The following CCDC30 variants were observed in gnomAD, a reference collection of about 807,000 sequenced individuals.
CCDC30 encodes the protein coiled-coil domain containing 30, also known as coiled-coil domain-containing protein 30.
CCDC30 carries 70 observed loss-of-function variants against 100.2 expected under a neutral mutation model. The observed-to-expected ratio is 0.70, with a 90% CI of 0.58 to 0.85. The LOEUF (loss-of-function observed/expected upper bound fraction) is 0.85. Ranked by LOEUF, CCDC30 falls within the 40% of genes least tolerant of loss-of-function variation. CCDC30 has a pLI of 0.00. For synonymous variants in CCDC30, 233 were observed against 269.5 expected, an observed-to-expected ratio of 0.86 and a Z score of 1.33; for missense variants, 652 against 771.2, an observed-to-expected ratio of 0.85 and a Z score of 1.83.
At chr1:42,525,335 CTCTT>C (rs1043669842) in intron 6 of CCDC30, among the ~76,000 whole-genome samples, 6 of 152,082 alleles carry the variant, frequency 3.9e-5, no homozygotes, top group African/African-American at 1.4e-4. Context: ...CAGTTTTTCT[CTCTT>C]TGTTCTAGTT....
exon 12 of CCDC30, chr1:42,637,333 C>T (rs1427478064): frequency 6.3e-7 from 1 of 1,594,216 alleles, no homozygotes; most frequent in Non-Finnish European, 8.5e-7. Flanking sequence ...AGAGAATTAA[C>T]CAATTTGAAG....
chr1:42,482,309 C>G (rs1327486567), intron 2 of CCDC30, among the ~76,000 whole-genome samples: 1 of 151,256 alleles, frequency 6.6e-6, no homozygotes, highest in African/African-American at 2.4e-5. Context: ...TTTAAAAAGC[C>G]AGACAGAAAC....
intron 8 of CCDC30, chr1:42,580,794 G>T (rs1419108593): frequency 2.2e-6 from 1 of 455,890 alleles, no homozygotes; most frequent in Non-Finnish European, 4.4e-6. Flanking sequence ...ATGCTAATAG[G>T]TGCTTGGTTT....
chr1:42,456,764 G>A, the CCDC30 span: 1 of 1,612,264 alleles, frequency 6.2e-7, no homozygotes, highest in African/African-American at 1.3e-5. Context: ...GCGGCGCGGT[G>A]CAACCTCGGC....
At chr1:42,484,396 C>T (rs960290439) in intron 3 of CCDC30, among the ~76,000 whole-genome samples, 11 of 152,118 alleles carry the variant, frequency 7.2e-5, no homozygotes, top group African/African-American at 2.2e-4. Flanking sequence ...TGCTGCTTGC[C>T]ATACAAGAAG....
intron 6 of CCDC30, among the ~76,000 whole-genome samples, chr1:42,547,562 G>A (rs540032972): frequency 5.6e-4 from 85 of 152,292 alleles, no homozygotes; most frequent in African/African-American, 2.0e-3. Context: ...GGGAAACCTT[G>A]CCATAAGAAA....
At chr1:42,585,122 T>G (rs1646043270) in intron 9 of CCDC30, among the ~76,000 whole-genome samples, 1 of 152,234 alleles carries the variant, frequency 6.6e-6, no homozygotes, top group Non-Finnish European at 1.5e-5. Context: ...CTTTCGTAGT[T>G]TGTGTCTTTC....
At chr1:42,522,571 C>G (rs1487165708) in intron 6 of CCDC30, among the ~76,000 whole-genome samples, 2 of 152,126 alleles carry the variant, frequency 1.3e-5, no homozygotes, top group Admixed American at 1.3e-4. Flanking sequence ...TTATGATACT[C>G]TAAATTGAAT....
chr1:42,638,559 CAAAAAAA>C lies in CCDC30; in HGVS notation c.1419+1192_1419+1198del, dbSNP rs55773821. 1.7e-3 allele frequency among the ~76,000 whole-genome samples: 197 copies of C among 116,388 alleles called. 1 individual carries two copies. Among genetic ancestry groups the C allele is most frequent in the African/African-American group, 6.1e-3 (193 of 31,686 alleles). The allele number at this position is 116,388 out of a possible 152,430, so 76.4% of individuals were successfully genotyped here. A position where few individuals can be genotyped will look rare whatever the true frequency, so the allele number is the denominator to read the frequency against. On this transcript the variant is annotated intron_variant, in intron 12 of 16. Coordinates refer to ENST00000668663, the Ensembl canonical transcript of CCDC30. ...AATCCATTTTAATAGCACCCATGGG[CAAAAAAA>C]AAAAAAAAAAGAAAAGAAAAGAAGA...
At chr1:42,615,948 C>T (rs1045586521) in intron 11 of CCDC30, among the ~76,000 whole-genome samples, 7 of 151,772 alleles carry the variant, frequency 4.6e-5, no homozygotes, top group African/African-American at 1.7e-4. Flanking sequence ...TGGAGTCTCG[C>T]TCTGTCACCT....
intron 6 of CCDC30, among the ~76,000 whole-genome samples, chr1:42,544,138 C>T (rs2148532129): frequency 6.6e-6 from 1 of 152,310 alleles, no homozygotes; most frequent in Middle Eastern, 3.4e-3. Flanking sequence ...AGCAGTCCTC[C>T]CACCTCAGCC....
chr1:42,542,939 T>C (rs1266449412), intron 6 of CCDC30: 1 of 153,688 alleles, frequency 6.5e-6, no homozygotes, highest in Non-Finnish European at 1.5e-5. Flanking sequence ...TTATTATCTG[T>C]AATGTTTACA....
At chr1:42,487,538 T>G (rs1417455548) in intron 3 of CCDC30, among the ~76,000 whole-genome samples, 1 of 152,206 alleles carries the variant, frequency 6.6e-6, no homozygotes, top group Non-Finnish European at 1.5e-5. Flanking sequence ...TACTTGAGCC[T>G]GATCTAATCA....
downstream of CCDC30, among the ~76,000 whole-genome samples, chr1:42,655,941 A>G (rs1286736670): frequency 8.2e-6 from 1 of 121,930 alleles, no homozygotes; most frequent in African/African-American, 3.3e-5. Context: ...TGGTTTGATT[A>G]CTGCTCATGC....
chr1:42,593,466 CT>C (rs1646226724), intron 10 of CCDC30: 1 of 152,176 alleles, frequency 6.6e-6, no homozygotes, highest in African/African-American at 2.4e-5. Context: ...AAACCCTGTC[CT>C]TTTGGGGATT....
At chr1:42,578,049 A>G (rs1645879374) in intron 8 of CCDC30, among the ~76,000 whole-genome samples, 1 of 152,208 alleles carries the variant, frequency 6.6e-6, no homozygotes, top group South Asian at 2.1e-4. Context: ...GTGTTGTGAA[A>G]TGAACCATTT....
chr1:42,656,535 G>C (rs1247525866), downstream of CCDC30, among the ~76,000 whole-genome samples: 2 of 152,162 alleles, frequency 1.3e-5, no homozygotes, highest in Non-Finnish European at 2.9e-5. Flanking sequence ...GGAGGCTGAG[G>C]CTCGAGAATC....
At chr1:42,476,143 T>C (rs1188563584) in intron 1 of CCDC30, among the ~76,000 whole-genome samples, 3 of 152,172 alleles carry the variant, frequency 2.0e-5, no homozygotes, top group African/African-American at 4.8e-5. Flanking sequence ...CAACTTCCCA[T>C]CCTTAATCAG....
exon 11 of CCDC30, chr1:42,611,060 G>A (rs770061386): frequency 8.7e-6 from 14 of 1,608,616 alleles, no homozygotes; most frequent in East Asian, 4.5e-5. Context: ...GAATATTTGC[G>A]ATTATTGAAG....
Sources: gnomAD v4.1 joint callset for allele counts (sites outside exome capture counted in the v4.1 genomes callset) on GRCh38, gnomAD v4.1.1 for gene constraint, MANE v1.5 for transcripts, NCBI Gene and HGNC (gene_info 2026-07-23, HGNC 2026-07-21) for gene names.